NSD2: variants seen among roughly 807,000 people sequenced by gnomAD.
NSD2 encodes the protein nuclear receptor binding SET domain protein 2, also known as histone-lysine N-methyltransferase NSD2.
A neutral mutation model predicts 139.0 loss-of-function variants in NSD2; 12 were observed. The observed-to-expected ratio is 0.09, with a 90% confidence interval of 0.06 to 0.14. The LOEUF is 0.14. NSD2 is among the 10% of genes least tolerant of loss of function. The pLI is 1.00. For missense variants in NSD2, 1,155 were observed against 1,745.0 expected (o/e 0.66, Z 6.02); for synonymous variants, 669 against 648.7 (o/e 1.03, Z -0.48).
Position 1,979,068 on chromosome 4 carries a change from C to A in NSD2, c.*159C>A. On this transcript the variant is annotated 3_prime_UTR_variant, in exon 22 of 22. Transcript: ENST00000508803. ...GAGGGAGCGCCTCCCCACCACTGAG[C>A]CATCCTCAGCAGCGTCCGCTGCGTC... is the stretch of plus-strand genomic sequence containing the variant. 1 of 905,288 alleles carries A rather than the reference C, an allele frequency of 1.1e-6. No homozygotes were observed. The highest frequency in any genetic ancestry group is 1.6e-6 in the Non-Finnish European group (1 of 638,256). 56.1% of individuals were successfully genotyped at this position (905,288 alleles called of 1,614,324 possible). A position where few individuals can be genotyped will look rare whatever the true frequency, so the allele number is the denominator to read the frequency against.
chr4:1,947,877 G>A lies in NSD2; in HGVS notation c.1882-3195G>A, dbSNP rs144970629. 431 of 1,053,650 alleles carry A rather than the reference G, an allele frequency of 4.1e-4. 1 individual carries two copies. Among genetic ancestry groups the A allele is most frequent in the Non-Finnish European group, 4.8e-4 (418 of 871,784 alleles). 65.3% of individuals were successfully genotyped at this position (1,053,650 alleles called of 1,614,324 possible). On this transcript the variant is annotated intron_variant, in intron 9 of 21. Transcript: ENST00000508803. ...AAATTAAAAACTCAATGTGTATGAC[G>A]CCACTCTGAAGAGTAGGTGAGCGCT...
intron 21 of NSD2, 122 bp from the exon 22 acceptor site, chr4:1,978,516 G>T: frequency 7.2e-7 from 1 of 1,395,168 alleles, no homozygotes; most frequent in Non-Finnish European, 9.7e-7. Flanking sequence ...CGTCCTGTTC[G>T]CTGGAGCCAG....
Position 1,942,133 on chromosome 4 carries a change from A to C in NSD2, c.1881+2355A>C. 1 of 1,276,898 alleles carries C rather than the reference A, an allele frequency of 7.8e-7. No individual in the cohort carries two copies. Among genetic ancestry groups the C allele is most frequent in the Non-Finnish European group, 9.9e-7 (1 of 1,008,916 alleles). The allele number at this position is 1,276,898 out of a possible 1,614,324, so 79.1% of individuals were successfully genotyped here. A position where few individuals can be genotyped will look rare whatever the true frequency, so the allele number is the denominator to read the frequency against. On this transcript the variant is annotated intron_variant, in intron 9 of 21. Coordinates refer to ENST00000508803, the MANE Select transcript of NSD2 (RefSeq NM_001042424.3). The surrounding 1 kb of genome is among the most constrained non-coding windows in gnomAD (Gnocchi z 4.0). The stretch of plus-strand genomic sequence containing the variant: ...ATGTTGTAGTTTAAATTCTTCTTGA[A>C]AAAGGTATATGTGATAAATAAAAAT...
intron 1 of NSD2, among the ~76,000 whole-genome samples, chr4:1,888,353 C>T (rs1245676722): frequency 7.9e-6 from 1 of 126,084 alleles, no homozygotes; most frequent in Non-Finnish European, 1.6e-5. Flanking sequence ...GCAGAGGTTG[C>T]AGTGAGCTGA....
chr4:1,978,171 G>A (rs1019631691), intron 21 of NSD2, among the ~76,000 whole-genome samples: 15 of 152,146 alleles, frequency 9.9e-5, no homozygotes, highest in African/African-American at 3.4e-4. Flanking sequence ...ATTTTTGTAC[G>A]GTAAAGATGA....
At chr4:1,951,912 T>G in intron 10 of NSD2, 196 bp from the exon 11 acceptor site, 1 of 810,104 alleles carries the variant, frequency 1.2e-6, no homozygotes, top group Non-Finnish European at 1.8e-6. Context: ...TCTGTAACAG[T>G]CATCTGGTTT....
At chr4:1,932,018 AGT>A (rs1375758105) in intron 6 of NSD2, among the ~76,000 whole-genome samples, 1 of 152,204 alleles carries the variant, frequency 6.6e-6, no homozygotes, top group Non-Finnish European at 1.5e-5. Context: ...TTCTGCCCAC[AGT>A]GTGTGTCAGG....
rs1722847644 is a variant in NSD2, at chr4:1,939,456, A to G, written c.1757-198A>G. 5 of 623,822 alleles carry G rather than the reference A, an allele frequency of 8.0e-6. No individual in the cohort carries two copies. In the Admixed American group the frequency reaches 1.2e-4, roughly 15 times the overall value. The allele number at this position is 623,822 out of a possible 1,614,324, so 38.6% of individuals were successfully genotyped here. A position where few individuals can be genotyped will look rare whatever the true frequency, so the allele number is the denominator to read the frequency against. On this transcript the variant is annotated intron_variant, in intron 8 of 21. Coordinates refer to ENST00000508803, the MANE Select transcript of NSD2 (RefSeq NM_001042424.3). Reference sequence around the variant, plus strand: ...TGATGTTTTTGGGGGCCAAGTAGCGAGGACATGGGGTTCATTGTACAGTTT... The same window carrying G: ...TGATGTTTTTGGGGGCCAAGTAGCGGGGACATGGGGTTCATTGTACAGTTT...
intron 18 of NSD2, among the ~76,000 whole-genome samples, chr4:1,962,296 AAG>A (rs1725448544): frequency 1.3e-5 from 2 of 152,184 alleles, no homozygotes; most frequent in Admixed American, 6.5e-5. Context: ...GAGACTAAAG[AAG>A]TACCCAGAGG....
At position 1,946,237 on chromosome 4, in the gene NSD2, T is replaced by TG. The variant is rs530859142; in HGVS notation, c.1882-4829dup. The TG allele has an allele frequency of 4.4e-5, 44 of 1,006,808 alleles. No homozygotes were observed. In the East Asian group the frequency reaches 1.3e-3, roughly 30 times the overall value. 62.4% of individuals were successfully genotyped at this position (1,006,808 alleles called of 1,614,324 possible). A position where few individuals can be genotyped will look rare whatever the true frequency, so the allele number is the denominator to read the frequency against. ...TATTGGCTTCTTAACTTCTAAAATT[T>TG]GGGGGGTCTTGCATTTATTTATTAT... On this transcript the variant is annotated intron_variant, in intron 9 of 21. Coordinates refer to ENST00000508803, the MANE Select transcript of NSD2 (RefSeq NM_001042424.3).
At chr4:1,876,099 A>C (rs1714236258) in intron 1 of NSD2, among the ~76,000 whole-genome samples, 1 of 151,508 alleles carries the variant, frequency 6.6e-6, no homozygotes, top group Non-Finnish European at 1.5e-5. Flanking sequence ...CTGTAGTCCC[A>C]GCTACTCGGG....
At chr4:1,875,280 CTTTTTTT>C (rs749123768) in intron 1 of NSD2, among the ~76,000 whole-genome samples, 2 of 126,628 alleles carry the variant, frequency 1.6e-5, no homozygotes, top group East Asian at 2.3e-4. Context: ...TAGCTTTTTA[CTTTTTTT>C]TTTTTTTTTT....
intron 5 of NSD2, among the ~76,000 whole-genome samples, chr4:1,924,451 G>A (rs78610521): frequency 0.019 from 2,952 of 152,188 alleles, 69 homozygotes; most frequent in African/African-American, 0.055. Flanking sequence ...AAAAAAATGG[G>A]TACCTGAGAA....
chr4:1,919,894 C>G (rs1719894438), intron 5 of NSD2, among the ~76,000 whole-genome samples: 2 of 152,010 alleles, frequency 1.3e-5, no homozygotes, highest in African/African-American at 4.8e-5. Context: ...CAAGATTACA[C>G]CACTGCACTC....
chr4:1,878,380 T>A (rs1306660730), intron 1 of NSD2, among the ~76,000 whole-genome samples: 2 of 150,090 alleles, frequency 1.3e-5, no homozygotes, highest in African/African-American at 2.4e-5. Context: ...AGTGTTCGGA[T>A]TACAGGCGTA....
At position 1,942,837 on chromosome 4, in the gene NSD2, A is replaced by G; in HGVS notation, c.1881+3059A>G. 2 of 1,067,276 alleles carry G rather than the reference A, an allele frequency of 1.9e-6. No individual in the cohort carries two copies. Among genetic ancestry groups the G allele is most frequent in the Non-Finnish European group, 2.3e-6 (2 of 880,246 alleles). 66.1% of individuals were successfully genotyped at this position (1,067,276 alleles called of 1,614,324 possible). A position where few individuals can be genotyped will look rare whatever the true frequency, so the allele number is the denominator to read the frequency against. On this transcript the variant is annotated intron_variant, in intron 9 of 21. Coordinates refer to ENST00000508803, the MANE Select transcript of NSD2 (RefSeq NM_001042424.3). The surrounding 1 kb of genome is among the most constrained non-coding windows in gnomAD (Gnocchi z 4.0). Reference sequence around the variant, plus strand: ...GCACACGTTAGGAGGAGTCCTCATCAGCTGTTCTCATTGCCAGTGAGATAT... The same window carrying G: ...GCACACGTTAGGAGGAGTCCTCATCGGCTGTTCTCATTGCCAGTGAGATAT...
intron 1 of NSD2, among the ~76,000 whole-genome samples, chr4:1,884,660 A>G (rs1456828022): frequency 6.6e-6 from 1 of 152,038 alleles, no homozygotes; most frequent in Non-Finnish European, 1.5e-5. Context: ...CCAAAGTGCT[A>G]GGATTATAGG....
chr4:1,909,589 G>A, intron 3 of NSD2, among the ~76,000 whole-genome samples: 1 of 151,986 alleles, frequency 6.6e-6, no homozygotes, highest in Non-Finnish European at 1.5e-5. Flanking sequence ...GCTGAGCATG[G>A]GTCCTGTGAA....
chr4:1,948,548 G>C lies in NSD2; in HGVS notation c.1882-2524G>C. On this transcript the variant is annotated intron_variant, in intron 9 of 21. Transcript: ENST00000508803. This position sits in a 1 kb window ranked among gnomAD's most constrained non-coding sequence, Gnocchi z 4.5. ...GTGGCTAGTTGTCTGTCCGGTGGCT[G>C]GGAGGGGGTGTGGTGGGAAAAAGTC... 3.8e-6 allele frequency: 4 copies of C among 1,064,692 alleles called. No individual in the cohort carries two copies. The highest frequency in any genetic ancestry group is 3.4e-6 in the Non-Finnish European group (3 of 877,964). 66.0% of individuals were successfully genotyped at this position (1,064,692 alleles called of 1,614,324 possible).
Sources: gnomAD v4.1 joint callset for allele counts (sites outside exome capture counted in the v4.1 genomes callset) on GRCh38, gnomAD v4.1.1 for gene constraint, Gnocchi (gnomAD v3.1) non-coding constraint, MANE v1.5 for transcripts, NCBI Gene and HGNC (gene_info 2026-07-23, HGNC 2026-07-21) for gene names.